ANK3: variants seen among roughly 807,000 people sequenced by gnomAD.
The protein encoded by ANK3 is ankyrin 3.
In ANK3, 57 loss-of-function variants were observed where a neutral mutation model predicts 370.9. That is an observed-to-expected ratio of 0.15 (90% CI 0.12 to 0.19). The LOEUF (loss-of-function observed/expected upper bound fraction) is 0.19. Among genes scored for constraint, ANK3 ranks in the 10% least tolerant of loss-of-function variants. The pLI is 1.00. For missense variants in ANK3, 4,439 were observed against 5,302.1 expected (o/e 0.84, Z 5.06); for synonymous variants, 1,929 against 1,946.3 (o/e 0.99, Z 0.23).
At position 60,063,339 on chromosome 10, in the gene ANK3, G is replaced by C. The variant is rs577386821; in HGVS notation, c.12452-85C>G. On this transcript the variant is annotated intron_variant, in intron 39 of 43. Transcript: ENST00000280772. ...ATATCTACACAAAGGCATGGCTTTT[G>C]CAGCCCTGCTGACATTTTAGCTCCT... is the stretch of plus-strand genomic sequence containing the variant. The C allele has an allele frequency of 3.6e-5, 50 of 1,390,732 alleles. No individual in the cohort carries two copies. In the South Asian group the frequency reaches 4.2e-4, roughly 12 times the overall value. 86.1% of individuals were successfully genotyped at this position (1,390,732 alleles called of 1,614,324 possible).
rs374196154 is a variant in ANK3, at chr10:60,203,034, G to T, written c.1360C>A (p.His454Asn). The T allele has an allele frequency of 6.2e-7, 1 of 1,613,088 alleles. No individual in the cohort carries two copies. The highest frequency in any genetic ancestry group is 2.2e-5 in the East Asian group (1 of 44,808). ...GTGGTGTTTGGTGAGGCTCCATGAT[G>T]CATTAGTTGTGATACAATATTTACA... is the stretch of plus-strand genomic sequence containing the variant. Reference protein sequence around the residue: ...GHVNIVSQLMHHGASPNTTNV... With the variant: ...GHVNIVSQLMNHGASPNTTNV... Residue 454 changes from histidine to asparagine, a missense_variant, in exon 12 of 44, where the codon CAT becomes AAT. Coordinates refer to ENST00000280772, the MANE Select transcript of ANK3 (RefSeq NM_020987.5).
intron 26 of ANK3, among the ~76,000 whole-genome samples, chr10:60,112,174 C>T (rs1421684533): frequency 6.6e-6 from 1 of 152,124 alleles, no homozygotes; most frequent in African/African-American, 2.4e-5. Flanking sequence ...CATGTTTCTT[C>T]AACTTCTCAG....
chr10:60,371,802 T>A (rs565993995), intron 1 of ANK3, among the ~76,000 whole-genome samples: 1 of 152,282 alleles, frequency 6.6e-6, no homozygotes, highest in South Asian at 2.1e-4. Flanking sequence ...AAACTGATAT[T>A]AAAATATTTC....
At chr10:60,317,631 T>C (rs1429015926) in intron 1 of ANK3, among the ~76,000 whole-genome samples, 1 of 151,968 alleles carries the variant, frequency 6.6e-6, no homozygotes, top group Non-Finnish European at 1.5e-5. Context: ...ATCTGACAAA[T>C]GAGAAAAGTT....
intron 18 of ANK3, 106 bp from the exon 19 acceptor site, chr10:60,173,292 CA>C: frequency 1.1e-6 from 1 of 889,108 alleles, no homozygotes; most frequent in Non-Finnish European, 1.7e-6. Context: ...TTTGAGCTGG[CA>C]AAAGTAGGTT....
intron 2 of ANK3, among the ~76,000 whole-genome samples, chr10:60,573,289 G>C (rs772921432): frequency 6.6e-6 from 1 of 151,800 alleles, no homozygotes; most frequent in African/African-American, 2.4e-5. Context: ...TCTAATGCAG[G>C]GTTTATGACG....
At chr10:60,290,145 T>A (rs932242679) in intron 1 of ANK3, among the ~76,000 whole-genome samples, 24 of 152,202 alleles carry the variant, frequency 1.6e-4, no homozygotes, top group African/African-American at 5.5e-4. Flanking sequence ...ATGCAACCAA[T>A]TACACAAACG....
chr10:60,319,645 T>C (rs1207657372), intron 1 of ANK3, among the ~76,000 whole-genome samples: 1 of 152,208 alleles, frequency 6.6e-6, no homozygotes, highest in Non-Finnish European at 1.5e-5. Flanking sequence ...CTACACTCCA[T>C]GTTAGGGATT....
rs1308603580 is a variant in ANK3, at chr10:60,059,336, A to G, written c.12686+4T>C. On this transcript the variant is annotated splice_donor_region_variant and intron_variant, in intron 41 of 43. Coordinates refer to ENST00000280772, the MANE Select transcript of ANK3 (RefSeq NM_020987.5). ...TCACTTTCCTTTTTTTGAAACAGCC[A>G]TACCTGTCATCCAGTCGATCTAGTA... 3 of 1,613,404 alleles carry G rather than the reference A, an allele frequency of 1.9e-6. No individual in the cohort carries two copies. Among genetic ancestry groups the G allele is most frequent in the Non-Finnish European group, 1.7e-6 (2 of 1,179,364 alleles).
intron 1 of ANK3, among the ~76,000 whole-genome samples, chr10:60,339,018 T>C (rs1030292140): frequency 7.9e-6 from 1 of 126,910 alleles, no homozygotes; most frequent in African/African-American, 2.6e-5. Context: ...ACAATTAGCA[T>C]ATACTCCAAG....
At chr10:60,493,578 T>G (rs756030385) in intron 2 of ANK3, among the ~76,000 whole-genome samples, 1 of 152,162 alleles carries the variant, frequency 6.6e-6, no homozygotes, top group Non-Finnish European at 1.5e-5. Flanking sequence ...ATTAATGAAC[T>G]AAATTTTGGA....
At chr10:60,448,165 A>G (rs2064500393) in intron 2 of ANK3, among the ~76,000 whole-genome samples, 1 of 152,208 alleles carries the variant, frequency 6.6e-6, no homozygotes, top group South Asian at 2.1e-4. Flanking sequence ...AGAGATGGCC[A>G]TAATGACCAC....
intron 2 of ANK3, among the ~76,000 whole-genome samples, chr10:60,402,847 AC>A (rs2063379984): frequency 6.6e-6 from 1 of 152,198 alleles, no homozygotes; most frequent in Non-Finnish European, 1.5e-5. Context: ...ACCTGCCTGA[AC>A]CATAAGAACT....
At chr10:60,661,729 G>T (rs2078937835) in intron 1 of ANK3, among the ~76,000 whole-genome samples, 1 of 152,166 alleles carries the variant, frequency 6.6e-6, no homozygotes, top group Admixed American at 6.6e-5. Flanking sequence ...CAAACATTTT[G>T]TTTCCAGGCG....
Position 60,114,444 on chromosome 10 carries a change from C to G in ANK3, c.2842-113G>C, listed in dbSNP as rs935436587. ...TAATTCCAGATAGACTTACATTCAA[C>G]ATAAATAATTTTTAAATTCTCCTCT... On this transcript the variant is annotated intron_variant, in intron 25 of 43. Coordinates refer to ENST00000280772, the MANE Select transcript of ANK3 (RefSeq NM_020987.5). 2.4e-5 allele frequency: 11 copies of G among 467,868 alleles called. No individual in the cohort carries two copies. In the Admixed American group the frequency reaches 3.7e-4, roughly 16 times the overall value. 29.0% of individuals were successfully genotyped at this position (467,868 alleles called of 1,614,324 possible).
chr10:60,204,627 T>C (rs1278284334), intron 11 of ANK3, among the ~76,000 whole-genome samples: 1 of 152,188 alleles, frequency 6.6e-6, no homozygotes, highest in Non-Finnish European at 1.5e-5. Context: ...CTTCAAATCC[T>C]ATAGTTAAGC....
chr10:60,035,756 G>T (rs143073183), intron 43 of ANK3, among the ~76,000 whole-genome samples: 1 of 151,362 alleles, frequency 6.6e-6, no homozygotes, highest in South Asian at 2.1e-4. Context: ...TTGGGATGCT[G>T]AGGCAGGCAG....
chr10:60,462,318 T>C (rs1439676193), intron 2 of ANK3, among the ~76,000 whole-genome samples: 1 of 152,178 alleles, frequency 6.6e-6, no homozygotes, highest in Non-Finnish European at 1.5e-5. Flanking sequence ...CTACAGACAA[T>C]CTAGTCTATA....
intron 16 of ANK3, among the ~76,000 whole-genome samples, chr10:60,192,417 T>C (rs1335179352): frequency 6.7e-6 from 1 of 150,228 alleles, no homozygotes; most frequent in Non-Finnish European, 1.5e-5. Context: ...ATAAGTTGTA[T>C]ATAATTATAT....
Sources: gnomAD v4.1 joint callset for allele counts (sites outside exome capture counted in the v4.1 genomes callset) on GRCh38, gnomAD v4.1.1 for gene constraint, MANE v1.5 for transcripts, NCBI Gene and HGNC (gene_info 2026-07-23, HGNC 2026-07-21) for gene names.